The following ULK4 variants were observed in gnomAD, a reference collection of about 807,000 sequenced individuals.
The protein encoded by ULK4 is unc-51 like kinase 4.
ULK4 carries 133 observed loss-of-function variants against 160.6 expected under a neutral mutation model. The ratio of observed to expected loss-of-function variants is 0.83; its 90% confidence interval spans 0.72 to 0.96. The LOEUF (loss-of-function observed/expected upper bound fraction) is 0.96, where lower values mean the gene tolerates loss of function less well. Among genes scored for constraint, ULK4 ranks in the 40% least tolerant of loss-of-function variants. ULK4 has a pLI of 0.00. For synonymous variants in ULK4, 534 were observed against 539.8 expected (o/e 0.99, Z 0.15); for missense variants, 1,580 against 1,499.5 (o/e 1.05, Z -0.89).
At chr3:41,801,680 T>C (rs553083446) in intron 19 of ULK4, among the ~76,000 whole-genome samples, 44 of 152,044 alleles carry the variant, frequency 2.9e-4, no homozygotes, top group African/African-American at 1.0e-3. Context: ...CAAGACCTTT[T>C]CTGTACAAAA....
chr3:41,469,602 CAAAAAA>C (rs71616008), intron 32 of ULK4, among the ~76,000 whole-genome samples: 53 of 11,316 alleles, frequency 4.7e-3, no homozygotes, highest in South Asian at 0.02. Context: ...CTACACCTGC[CAAAAAA>C]AAAAAAAAAA....
At chr3:41,547,052 T>C (rs563267209) in intron 32 of ULK4, among the ~76,000 whole-genome samples, 2 of 152,296 alleles carry the variant, frequency 1.3e-5, no homozygotes, top group South Asian at 4.2e-4. Flanking sequence ...CTGTCACTGA[T>C]AGTGGGAGGG....
intron 9 of ULK4, 39 bp downstream of exon 9, chr3:41,912,768 A>G: frequency 6.4e-7 from 1 of 1,556,492 alleles, no homozygotes; most frequent in Non-Finnish European, 8.9e-7. Flanking sequence ...TTAAGTGTCC[A>G]GTAACTATGT....
intron 32 of ULK4, among the ~76,000 whole-genome samples, chr3:41,507,943 C>T (rs950524109): frequency 3.9e-5 from 6 of 152,182 alleles, no homozygotes; most frequent in Non-Finnish European, 7.3e-5. Flanking sequence ...TCCATAGACC[C>T]TTTGAAGGAA....
chr3:41,604,246 C>T (rs1310276136), intron 31 of ULK4, among the ~76,000 whole-genome samples: 3 of 151,880 alleles, frequency 2.0e-5, no homozygotes, highest in Non-Finnish European at 4.4e-5. Context: ...AGAGATGACA[C>T]GAGGCGAGAG....
intron 22 of ULK4, among the ~76,000 whole-genome samples, chr3:41,735,816 T>C (rs1575625903): frequency 6.6e-6 from 1 of 150,662 alleles, no homozygotes; most frequent in African/African-American, 2.4e-5. Context: ...TCATTAGGTA[T>C]ATCCCCTAAT....
At chr3:41,317,091 C>T (rs1415037170) in intron 35 of ULK4, among the ~76,000 whole-genome samples, 2 of 34,180 alleles carry the variant, frequency 5.9e-5, no homozygotes, top group Admixed American at 3.3e-4. Context: ...TTTTTTGAGA[C>T]GGAGTCTCGC....
At chr3:41,836,022 T>A in intron 17 of ULK4, 51 bp from the exon 18 acceptor site, 1 of 1,244,968 alleles carries the variant, frequency 8.0e-7, no homozygotes, top group South Asian at 1.3e-5. Flanking sequence ...TATCTCTCAG[T>A]TCTTAAACCT....
chr3:41,713,326 C>A (rs1241731399), intron 25 of ULK4, among the ~76,000 whole-genome samples: 1 of 152,144 alleles, frequency 6.6e-6, no homozygotes, highest in Non-Finnish European at 1.5e-5. Context: ...CAACATTCAA[C>A]TCTCAACAAT....
intron 31 of ULK4, among the ~76,000 whole-genome samples, chr3:41,609,627 T>C (rs951132810): frequency 2.0e-5 from 3 of 152,222 alleles, no homozygotes; most frequent in Non-Finnish European, 4.4e-5. Context: ...GTGTTAACTG[T>C]ATAAATTTAA....
chr3:41,759,259 T>C (rs988494193), intron 21 of ULK4, among the ~76,000 whole-genome samples: 1 of 150,540 alleles, frequency 6.6e-6, no homozygotes. Flanking sequence ...ATTATCTATG[T>C]AGAAAATCCC....
chr3:41,756,681 G>C (rs958465525), intron 21 of ULK4, among the ~76,000 whole-genome samples: 1 of 152,156 alleles, frequency 6.6e-6, no homozygotes, highest in African/African-American at 2.4e-5. Context: ...AAAACTGACA[G>C]ATTATACGAA....
chr3:41,512,796 C>CA (rs781491010), intron 32 of ULK4, among the ~76,000 whole-genome samples: 3 of 151,898 alleles, frequency 2.0e-5, no homozygotes, highest in Non-Finnish European at 2.9e-5. Context: ...CATATGGAAC[C>CA]AAGAAAAGAA....
chr3:41,892,451 C>T (rs1698000597), intron 16 of ULK4, among the ~76,000 whole-genome samples: 1 of 152,124 alleles, frequency 6.6e-6, no homozygotes, highest in Admixed American at 6.5e-5. Context: ...AGCCAGTGCC[C>T]AACAACAGAT....
intron 35 of ULK4, 65 bp from the exon 36 acceptor site, chr3:41,249,639 T>A (rs2078707939): frequency 6.6e-7 from 1 of 1,509,648 alleles, no homozygotes; most frequent in South Asian, 1.2e-5. Context: ...CCCTGTTGGA[T>A]GGGCACCCTG....
At chr3:41,834,535 C>T (rs1277251323) in intron 18 of ULK4, among the ~76,000 whole-genome samples, 1 of 152,140 alleles carries the variant, frequency 6.6e-6, no homozygotes, top group Non-Finnish European at 1.5e-5. Flanking sequence ...CAGGAATAGT[C>T]AAGACACTCA....
In ULK4 at chr3:41,622,849, T is replaced by C. The variant is rs547183351; in HGVS notation, c.3072-7132A>G. 3.9e-5 allele frequency among the ~76,000 whole-genome samples: 6 copies of C among 152,318 alleles called. No individual in the cohort carries two copies. The South Asian group carries it at 1.2e-3, about 32-fold the overall frequency. ...TTTCCGTAACAGTCCAAATAGCTAA[T>C]AGCCCAAATATTTCAGGCTTTGCAG... On this transcript the variant is annotated intron_variant, in intron 30 of 36. Transcript: ENST00000301831.
chr3:41,727,518 A>G lies in ULK4; in HGVS notation c.2322-9657T>C, dbSNP rs6599169. Among the ~76,000 whole-genome samples the G allele has an allele frequency of 3.4e-3, 521 of 152,354 alleles. 1 individual carries two copies. The highest frequency in any genetic ancestry group is 0.012 in the African/African-American group (496 of 41,588). On this transcript the variant is annotated intron_variant, in intron 22 of 36. Transcript: ENST00000301831. The stretch of plus-strand genomic sequence containing the variant: ...AGCAGAGACCAGAAGGGGTAAAGCA[A>G]GCGTGCAATGTGGACAAAACATTCC...
intron 32 of ULK4, among the ~76,000 whole-genome samples, chr3:41,488,065 T>C (rs1290140257): frequency 5.9e-5 from 9 of 152,134 alleles, no homozygotes; most frequent in African/African-American, 1.9e-4. Flanking sequence ...TTGGAAACCA[T>C]TATAAAAGAT....
Sources: allele counts gnomAD v4.1 joint callset (sites outside exome capture counted in the v4.1 genomes callset), GRCh38; gene constraint gnomAD v4.1.1; transcripts MANE v1.5; gene names NCBI Gene and HGNC (gene_info 2026-07-23, HGNC 2026-07-21).